The following RASGRF2 variants were observed in gnomAD, a reference collection of about 807,000 sequenced individuals.
The protein encoded by RASGRF2 is ras-specific guanine nucleotide-releasing factor 2.
Under a neutral mutation model 151.0 loss-of-function variants are expected in RASGRF2, and 76 were observed. The ratio of observed to expected loss-of-function variants is 0.50; its 90% CI spans 0.42 to 0.61. RASGRF2 has a LOEUF of 0.61. RASGRF2 is among the 20% of genes least tolerant of loss of function. The pLI is 0.00. For missense variants in RASGRF2, 1,148 were observed against 1,564.6 expected, an observed-to-expected ratio of 0.73 and a Z score of 4.49; for synonymous variants, 504 against 566.5, an observed-to-expected ratio of 0.89 and a Z score of 1.57.
At chr5:81,021,170 G>C (rs1397800729) in intron 1 of RASGRF2, among the ~76,000 whole-genome samples, 1 of 152,182 alleles carries the variant, frequency 6.6e-6, no homozygotes, top group African/African-American at 2.4e-5. Context: ...GCCTATGTAA[G>C]ATTTGCTATT....
chr5:81,182,025 T>G (rs1364927147), intron 18 of RASGRF2, among the ~76,000 whole-genome samples: 1 of 151,512 alleles, frequency 6.6e-6, no homozygotes, highest in African/African-American at 2.4e-5. Flanking sequence ...CAATAAAGAG[T>G]TTTACAGTAA....
chr5:81,009,965 T>A (rs1749402545), intron 1 of RASGRF2, among the ~76,000 whole-genome samples: 1 of 152,068 alleles, frequency 6.6e-6, no homozygotes, highest in South Asian at 2.1e-4. Context: ...GAGAGCAGCC[T>A]GGCCAATATG....
chr5:81,048,229 G>A (rs1416569204), intron 2 of RASGRF2, among the ~76,000 whole-genome samples: 2 of 152,182 alleles, frequency 1.3e-5, no homozygotes, highest in Non-Finnish European at 2.9e-5. Context: ...TCCTGTAACA[G>A]TAAAACTGTC....
In RASGRF2 at chr5:81,080,321, T is replaced by C. The variant is rs573219016; in HGVS notation, c.967+121T>C. The C allele has an allele frequency of 4.7e-6, 7 of 1,496,318 alleles. No individual in the cohort carries two copies. In the South Asian group the frequency reaches 8.5e-5, roughly 18 times the overall value. The allele number at this position is 1,496,318 out of a possible 1,614,324, so 92.7% of individuals were successfully genotyped here. A position where few individuals can be genotyped will look rare whatever the true frequency, so the allele number is the denominator to read the frequency against. ...CACCCTGTTGACCTGTGAGCTTCTG[T>C]ATCCCGGGACCCTGTCTCCTTGCCT... is the stretch of plus-strand genomic sequence containing the variant. On this transcript the variant is annotated intron_variant, in intron 6 of 26. Coordinates refer to ENST00000265080, the MANE Select transcript of RASGRF2 (RefSeq NM_006909.3).
intron 2 of RASGRF2, among the ~76,000 whole-genome samples, chr5:81,060,766 A>G (rs941178716): frequency 6.6e-6 from 1 of 152,194 alleles, no homozygotes; most frequent in African/African-American, 2.4e-5. Context: ...GATTTTATGT[A>G]TTTTCTCTTT....
intron 10 of RASGRF2, 140 bp downstream of exon 10, chr5:81,093,101 G>T: frequency 1.2e-6 from 1 of 865,914 alleles, no homozygotes; most frequent in Non-Finnish European, 1.7e-6. Flanking sequence ...GTAATGTACT[G>T]TTACCAACTC....
chr5:81,187,944 C>A (rs532792926), intron 18 of RASGRF2, among the ~76,000 whole-genome samples: 1 of 152,328 alleles, frequency 6.6e-6, no homozygotes, highest in African/African-American at 2.4e-5. Context: ...TGTTCTTGTT[C>A]ATTGTTCCAA....
At chr5:81,006,887 C>A (rs576172128) in intron 1 of RASGRF2, among the ~76,000 whole-genome samples, 1 of 152,158 alleles carries the variant, frequency 6.6e-6, no homozygotes, top group Admixed American at 6.5e-5. Flanking sequence ...ATAGACTTGT[C>A]ACAAACCATT....
intron 17 of RASGRF2, 131 bp from the exon 18 acceptor site, chr5:81,180,044 C>G: frequency 1.6e-6 from 1 of 618,220 alleles, no homozygotes; most frequent in Non-Finnish European, 3.0e-6. Context: ...AGTCTGAAGC[C>G]ACGCGCACCT....
At chr5:81,154,912 A>T (rs1439364280) in intron 17 of RASGRF2, among the ~76,000 whole-genome samples, 1 of 152,176 alleles carries the variant, frequency 6.6e-6, no homozygotes, top group Admixed American at 6.5e-5. Flanking sequence ...TAGTGCACAG[A>T]GTTCCCCTTT....
chr5:81,166,116 C>T (rs186017559), intron 17 of RASGRF2, among the ~76,000 whole-genome samples: 1 of 152,126 alleles, frequency 6.6e-6, no homozygotes, highest in Non-Finnish European at 1.5e-5. Context: ...TAAGAAACAC[C>T]CAGGACCAAA....
rs570529400 is a variant in RASGRF2 at position 81,065,880 on chromosome 5, G to A, written c.396-2152G>A. The stretch of plus-strand genomic sequence containing the variant: ...TTTCCTGTTTTTATCATGCTCTTAT[G>A]GTTTCATTCTTTAAACAGAAAACAA... On this transcript the variant is annotated intron_variant, in intron 2 of 26. Coordinates refer to ENST00000265080, the MANE Select transcript of RASGRF2 (RefSeq NM_006909.3). Among the ~76,000 whole-genome samples the A allele has an allele frequency of 1.1e-4, 17 of 152,052 alleles. No individual in the cohort carries two copies. The South Asian group carries it at 2.9e-3, about 26-fold the overall frequency.
At chr5:81,091,538 G>A (rs181344907) in intron 9 of RASGRF2, among the ~76,000 whole-genome samples, 1 of 152,172 alleles carries the variant, frequency 6.6e-6, no homozygotes, top group Non-Finnish European at 1.5e-5. Context: ...TAGACAGTGT[G>A]AGATCCAGGC....
intron 15 of RASGRF2, among the ~76,000 whole-genome samples, chr5:81,119,225 A>C (rs1286156957): frequency 2.6e-5 from 4 of 152,120 alleles, no homozygotes; most frequent in African/African-American, 9.7e-5. Context: ...CTCAGTACTA[A>C]TTTTCTGTCT....
chr5:81,104,431 A>G (rs912479510), intron 12 of RASGRF2, among the ~76,000 whole-genome samples: 1 of 152,100 alleles, frequency 6.6e-6, no homozygotes, highest in Non-Finnish European at 1.5e-5. Flanking sequence ...GTAGATGAAT[A>G]ATTTATTTAA....
At chr5:81,144,712 A>G (rs248987) in intron 17 of RASGRF2, among the ~76,000 whole-genome samples, 61,357 of 152,002 alleles carry the variant, frequency 0.4, 13,177 homozygotes, top group East Asian at 0.81. Flanking sequence ...ATACTGAGCA[A>G]TGGTCCAAGT....
At chr5:80,964,656 A>C (rs1747668763) in intron 1 of RASGRF2, among the ~76,000 whole-genome samples, 1 of 152,212 alleles carries the variant, frequency 6.6e-6, no homozygotes, top group African/African-American at 2.4e-5. Flanking sequence ...CTTGGGGTAT[A>C]GGATGTGAAT....
intron 2 of RASGRF2, among the ~76,000 whole-genome samples, chr5:81,044,902 G>A (rs1750790326): frequency 6.6e-6 from 1 of 152,054 alleles, no homozygotes; most frequent in Admixed American, 6.5e-5. Context: ...CTAGGGTTGA[G>A]AGTAGAAGAT....
intron 1 of RASGRF2, among the ~76,000 whole-genome samples, chr5:80,985,184 C>T (rs146055210): frequency 2.0e-4 from 31 of 152,318 alleles, no homozygotes; most frequent in African/African-American, 6.7e-4. Context: ...TGCACTCCAG[C>T]CTGGGCAACA....
Sources: allele counts gnomAD v4.1 joint callset (sites outside exome capture counted in the v4.1 genomes callset), GRCh38; gene constraint gnomAD v4.1.1; transcripts MANE v1.5; gene names NCBI Gene and HGNC (gene_info 2026-07-23, HGNC 2026-07-21).